Variants in ACVR1B observed in about 807,000 individuals in gnomAD.
The protein encoded by ACVR1B is activin A receptor type 1B.
A neutral mutation model predicts 55.6 loss-of-function variants in ACVR1B; 15 were observed. The ratio of observed to expected loss-of-function variants is 0.27; its 90% CI spans 0.18 to 0.42. The LOEUF is 0.42. ACVR1B is among the 10% of genes least tolerant of loss of function. ACVR1B has a pLI of 1.00. For synonymous variants in ACVR1B, 247 were observed against 254.6 expected (o/e 0.97, Z 0.28); for missense variants, 359 against 670.1 (o/e 0.54, Z 5.13).
chr12:51,974,557 G>A (rs1941809704), intron 1 of ACVR1B, among the ~76,000 whole-genome samples: 1 of 152,144 alleles, frequency 6.6e-6, no homozygotes, highest in Non-Finnish European at 1.5e-5. Flanking sequence ...GCATGTGCAT[G>A]CTATCCAGGG....
intron 3 of ACVR1B, among the ~76,000 whole-genome samples, chr12:51,979,716 G>C (rs980430363): frequency 6.6e-6 from 1 of 152,126 alleles, no homozygotes; most frequent in Admixed American, 6.5e-5. Context: ...TTCTAGGTAA[G>C]GGGCTTCTAC....
chr12:51,976,176 G>T (rs1487635715), intron 2 of ACVR1B, 151 bp from the exon 3 acceptor site: 1 of 928,924 alleles, frequency 1.1e-6, no homozygotes, highest in Non-Finnish European at 1.6e-6. Flanking sequence ...TAGGCAGCAA[G>T]ACTAGCCCAG....
chr12:51,982,603 T>C (rs1942000709), intron 4 of ACVR1B: 2 of 1,376,838 alleles, frequency 1.5e-6, no homozygotes, highest in Admixed American at 2.9e-5. Flanking sequence ...CATGACTTGC[T>C]CCTGTGGCAT....
rs577455614 is a variant in ACVR1B, at chr12:51,986,284, G to GTTTC, written c.1137-533_1137-530dup. ...TCTCTCTTTGTTTTTTTGATATGGAGTTTCGCTCTTGTTGCCCAAGCTGGA... is the reference window on the plus strand; with the variant it reads ...TCTCTCTTTGTTTTTTTGATATGGAGTTTCTTTCGCTCTTGTTGCCCAAGCTGGA... On this transcript the variant is annotated intron_variant, in intron 6 of 8. Coordinates refer to ENST00000257963, the MANE Select transcript of ACVR1B (RefSeq NM_004302.5). Among the ~76,000 whole-genome samples the GTTTC allele has an allele frequency of 5.9e-5, 9 of 152,276 alleles. No individual in the cohort carries two copies. The East Asian group carries it at 1.7e-3, about 29-fold the overall frequency.
intron 1 of ACVR1B, among the ~76,000 whole-genome samples, chr12:51,974,193 C>T (rs1030604229): frequency 6.6e-6 from 1 of 152,152 alleles, no homozygotes; most frequent in African/African-American, 2.4e-5. Flanking sequence ...TGAGTGCTTC[C>T]TTCAGCACTT....
Position 51,968,944 on chromosome 12 carries a change from T to G in ACVR1B, c.92-6321T>G, listed in dbSNP as rs1317702264. ...ATCCCCCAAAATCAGAAATCTGCAA[T>G]GCTTTCTGGTCCGAACATTTTGGAT... On this transcript the variant is annotated intron_variant, in intron 1 of 8. Transcript: ENST00000257963. Among the ~76,000 whole-genome samples, 23 of 152,354 alleles carry G rather than the reference T, an allele frequency of 1.5e-4. 1 individual carries two copies. The highest frequency in any genetic ancestry group is 4.1e-4 in the South Asian group (2 of 4,834).
At chr12:51,975,970 G>A (rs1252302172) in intron 2 of ACVR1B, among the ~76,000 whole-genome samples, 1 of 152,222 alleles carries the variant, frequency 6.6e-6, no homozygotes, top group African/African-American at 2.4e-5. Flanking sequence ...GCATTACTGT[G>A]GAGCCCACAG....
intron 7 of ACVR1B, chr12:51,987,845 T>G (rs1323982553): frequency 1.3e-5 from 2 of 152,350 alleles, no homozygotes; most frequent in African/African-American, 4.8e-5. Flanking sequence ...TGAAAGAATA[T>G]AATTAGATTG....
intron 1 of ACVR1B, among the ~76,000 whole-genome samples, chr12:51,962,066 A>G (rs1941540794): frequency 6.6e-6 from 1 of 152,198 alleles, no homozygotes; most frequent in African/African-American, 2.4e-5. Flanking sequence ...TTCATTCTCT[A>G]ACTGAGACTT....
At position 51,952,893 on chromosome 12, in the gene ACVR1B, C is replaced by T. The variant is rs189249705; in HGVS notation, c.91+1059C>T. ...TTATACCACCCCCCCACTCTCCTCTCTGTAGAAGCGGGTACCTTTTTGCGG... is the reference window on the plus strand; with the variant it reads ...TTATACCACCCCCCCACTCTCCTCTTTGTAGAAGCGGGTACCTTTTTGCGG... On this transcript the variant is annotated intron_variant, in intron 1 of 8. Transcript: ENST00000257963. Among the ~76,000 whole-genome samples the T allele has an allele frequency of 3.6e-3, 537 of 150,896 alleles. 4 individuals carry two copies. Among genetic ancestry groups the T allele is most frequent in the African/African-American group, 0.012 (496 of 41,074 alleles).
chr12:51,985,193 G>A lies in ACVR1B; in HGVS notation c.981G>A (p.Gly327=), dbSNP rs1942054087. Residue 327 remains glycine, a splice_region_variant and synonymous_variant, in exon 6 of 9, where the codon GGG becomes GGA. Transcript: ENST00000257963. The part of the protein sequence containing the change: ...HLHMEIVGTQ[G]KPGIAHRDLK... ...GATCCCTGTTTTTTTCTCTGCCAGG[G>A]AAGCCTGGAATTGCTCATCGAGACT... The A allele has an allele frequency of 1.9e-6, 3 of 1,605,634 alleles. No individual in the cohort carries two copies. Among genetic ancestry groups the A allele is most frequent in the Non-Finnish European group, 2.5e-6 (3 of 1,176,820 alleles).
chr12:51,982,860 T>C (rs1302540798), intron 4 of ACVR1B: 19 of 1,442,894 alleles, frequency 1.3e-5, no homozygotes, highest in Middle Eastern at 1.8e-4. Flanking sequence ...TTAAATCTTA[T>C]ATGTTTTAAA....
intron 1 of ACVR1B, among the ~76,000 whole-genome samples, chr12:51,958,711 A>G (rs1197086081): frequency 2.0e-5 from 3 of 152,098 alleles, no homozygotes; most frequent in Non-Finnish European, 2.9e-5. Flanking sequence ...CATAAGGTGC[A>G]TGCAAGCTAG....
At chr12:51,981,826 G>C (rs898241002) in intron 4 of ACVR1B, among the ~76,000 whole-genome samples, 1 of 151,128 alleles carries the variant, frequency 6.6e-6, no homozygotes, top group South Asian at 2.1e-4. Context: ...TCCAGCCTGG[G>C]CGACAGAGCG....
intron 1 of ACVR1B, among the ~76,000 whole-genome samples, chr12:51,971,850 T>G (rs1300319051): frequency 6.6e-6 from 1 of 152,056 alleles, no homozygotes; most frequent in Non-Finnish European, 1.5e-5. Flanking sequence ...ATTTTAGAGG[T>G]CATATAGTTC....
chr12:51,967,711 C>A (rs962421007), intron 1 of ACVR1B, among the ~76,000 whole-genome samples: 2 of 152,188 alleles, frequency 1.3e-5, no homozygotes, highest in African/African-American at 4.8e-5. Flanking sequence ...TTATCTTATT[C>A]TTCAGAGCCA....
At chr12:51,987,528 T>C in intron 7 of ACVR1B, 1 of 194,984 alleles carries the variant, frequency 5.1e-6, no homozygotes, top group Non-Finnish European at 1.1e-5. Context: ...ATATCAGTAT[T>C]TTATGATAAT....
intron 1 of ACVR1B, among the ~76,000 whole-genome samples, chr12:51,955,876 C>T (rs1443139222): frequency 2.0e-5 from 3 of 152,236 alleles, no homozygotes; most frequent in Non-Finnish European, 4.4e-5. Flanking sequence ...GTCCAACTTA[C>T]ATTTCTCTCA....
chr12:51,959,406 T>A (rs1941474542), intron 1 of ACVR1B, among the ~76,000 whole-genome samples: 1 of 152,186 alleles, frequency 6.6e-6, no homozygotes, highest in Non-Finnish European at 1.5e-5. Context: ...CTCTAGGAGC[T>A]GAGAGTGGTT....
Sources: gnomAD v4.1 joint callset for allele counts (sites outside exome capture counted in the v4.1 genomes callset) on GRCh38, gnomAD v4.1.1 for gene constraint, MANE v1.5 for transcripts, NCBI Gene and HGNC (gene_info 2026-07-23, HGNC 2026-07-21) for gene names.